Variants in PDS5A observed in about 807,000 individuals in gnomAD.
The protein encoded by PDS5A is sister chromatid cohesion protein PDS5 homolog A.
Under a neutral mutation model 167.1 loss-of-function variants are expected in PDS5A, and 42 were observed. The observed-to-expected ratio is 0.25, with a 90% CI of 0.20 to 0.33. The LOEUF (loss-of-function observed/expected upper bound fraction) is 0.33. Among genes scored for constraint, PDS5A ranks in the 10% least tolerant of loss-of-function variants. PDS5A has a pLI of 1.00. For missense variants in PDS5A, 1,033 were observed against 1,605.9 expected (o/e 0.64, Z 6.10); for synonymous variants, 553 against 554.6 (o/e 1.00, Z 0.04).
intron 26 of PDS5A, among the ~76,000 whole-genome samples, chr4:39,857,428 C>T (rs1438051589): frequency 6.6e-6 from 1 of 150,896 alleles, no homozygotes; most frequent in Non-Finnish European, 1.5e-5. Flanking sequence ...CACAAAAAAG[C>T]CAACTAAATA....
chr4:39,875,953 A>G (rs549913425), intron 19 of PDS5A, among the ~76,000 whole-genome samples: 2 of 152,186 alleles, frequency 1.3e-5, no homozygotes, highest in African/African-American at 4.8e-5. Context: ...TAGTGATGCC[A>G]TCAGAGTTGT....
chr4:39,961,576 T>C (rs1208540756), intron 2 of PDS5A, among the ~76,000 whole-genome samples: 1 of 152,130 alleles, frequency 6.6e-6, no homozygotes, highest in Non-Finnish European at 1.5e-5. Context: ...TCCTTTTTAA[T>C]AGAGTCTGGG....
rs576779083 is a variant in PDS5A, at chr4:39,824,894, G to A, written c.*591C>T. The A allele has an allele frequency of 6.6e-6, 1 of 152,568 alleles. No homozygotes were observed. The highest frequency in any genetic ancestry group is 1.5e-5 in the Non-Finnish European group (1 of 67,984). The allele number at this position is 152,568 out of a possible 1,614,324, so 9.5% of individuals were successfully genotyped here. ...GCTACCACATCACTTTTCATAGCAG[G>A]GAACCGAAATCTGTACATCTCATTT... On this transcript the variant is annotated 3_prime_UTR_variant, in exon 33 of 33. Coordinates refer to ENST00000303538, the MANE Select transcript of PDS5A (RefSeq NM_001100399.2).
intron 17 of PDS5A, among the ~76,000 whole-genome samples, chr4:39,884,205 G>A (rs186324829): frequency 8.5e-5 from 13 of 152,152 alleles, no homozygotes; most frequent in Admixed American, 5.9e-4. Flanking sequence ...GGGATTACAC[G>A]CATGAGCCAC....
At chr4:39,944,624 G>A (rs2109773410) in intron 2 of PDS5A, among the ~76,000 whole-genome samples, 1 of 151,040 alleles carries the variant, frequency 6.6e-6, no homozygotes, top group African/African-American at 2.4e-5. Context: ...AACCTGGGAG[G>A]CGGAGGTTGC....
chr4:39,890,234 T>C lies in PDS5A; in HGVS notation c.1886+15A>G, dbSNP rs1405832559. 7.5e-7 allele frequency: 1 copy of C among 1,325,376 alleles called. No homozygotes were observed. Among genetic ancestry groups the C allele is most frequent in the Non-Finnish European group, 1.1e-6 (1 of 947,216 alleles). 82.1% of individuals were successfully genotyped at this position (1,325,376 alleles called of 1,614,324 possible). On this transcript the variant is annotated intron_variant, in intron 17 of 32. Coordinates refer to ENST00000303538, the MANE Select transcript of PDS5A (RefSeq NM_001100399.2). Reference sequence around the variant, plus strand: ...ATTATTATTTATTTTTGAGCGAATATACTTCTTGGCTTACCTTATGGCTTC... The same window carrying C: ...ATTATTATTTATTTTTGAGCGAATACACTTCTTGGCTTACCTTATGGCTTC...
intron 2 of PDS5A, among the ~76,000 whole-genome samples, chr4:39,967,451 GC>G (rs1159881845): frequency 6.6e-6 from 1 of 152,072 alleles, no homozygotes; most frequent in Non-Finnish European, 1.5e-5. Context: ...TTCGAGACAA[GC>G]CTGACCAACA....
intron 6 of PDS5A, 26 bp downstream of exon 6, chr4:39,922,596 C>T (rs1417768672): frequency 6.6e-7 from 1 of 1,507,004 alleles, no homozygotes; most frequent in African/African-American, 1.4e-5. Flanking sequence ...AAACATTAAC[C>T]TTGAATATCT....
intron 2 of PDS5A, among the ~76,000 whole-genome samples, chr4:39,969,532 G>A (rs1195597460): frequency 6.6e-6 from 1 of 152,106 alleles, no homozygotes; most frequent in African/African-American, 2.4e-5. Context: ...CAGGCGTGGT[G>A]GTGGATGCCT....
intron 16 of PDS5A, among the ~76,000 whole-genome samples, chr4:39,897,136 G>A (rs1362283680): frequency 6.6e-6 from 1 of 152,140 alleles, no homozygotes; most frequent in East Asian, 1.9e-4. Flanking sequence ...GCTCATGCCT[G>A]TAACCCCAGC....
intron 26 of PDS5A, among the ~76,000 whole-genome samples, chr4:39,855,796 C>G (rs973693033): frequency 8.6e-5 from 13 of 151,892 alleles, no homozygotes; most frequent in African/African-American, 2.4e-4. Context: ...TCAGTCTGAA[C>G]AGAAAGAAAA....
chr4:39,974,521 T>C (rs1730884645), intron 2 of PDS5A, among the ~76,000 whole-genome samples: 1 of 152,210 alleles, frequency 6.6e-6, no homozygotes, highest in African/African-American at 2.4e-5. Context: ...GTATAATCTT[T>C]AGTATCAATA....
chr4:39,967,227 C>T (rs1578845770), intron 2 of PDS5A, among the ~76,000 whole-genome samples: 1 of 152,176 alleles, frequency 6.6e-6, no homozygotes, highest in East Asian at 1.9e-4. Context: ...ATTGCTTGAA[C>T]CTGGGAGACA....
intron 9 of PDS5A, among the ~76,000 whole-genome samples, chr4:39,911,629 A>G (rs879421768): frequency 4.6e-5 from 7 of 152,008 alleles, no homozygotes; most frequent in Admixed American, 2.0e-4. Context: ...TCGGGAGATC[A>G]AGACCATCCT....
At chr4:39,958,680 T>C in intron 2 of PDS5A, among the ~76,000 whole-genome samples, 1 of 151,456 alleles carries the variant, frequency 6.6e-6, no homozygotes, top group East Asian at 2.0e-4. Flanking sequence ...AGTGGCACAA[T>C]CTCTGCTCAC....
At chr4:39,898,564 A>G (rs1360224373) in intron 15 of PDS5A, 36 bp from the exon 16 acceptor site, 7 of 869,632 alleles carry the variant, frequency 8.0e-6, no homozygotes, top group East Asian at 3.6e-5. Flanking sequence ...TTAGAGAAGG[A>G]AAAAAAAAAA....
chr4:39,973,490 G>T, intron 2 of PDS5A: 1 of 1,336,324 alleles, frequency 7.5e-7, no homozygotes, highest in Non-Finnish European at 1.1e-6. Flanking sequence ...CTTGATGATA[G>T]TATTGATGAT....
At chr4:39,891,987 T>C (rs1228813640) in intron 16 of PDS5A, among the ~76,000 whole-genome samples, 1 of 152,124 alleles carries the variant, frequency 6.6e-6, no homozygotes, top group Non-Finnish European at 1.5e-5. Flanking sequence ...GGTGCATGCC[T>C]GGGGTCCCAG....
chr4:39,901,398 G>A (rs1429034327), intron 13 of PDS5A, among the ~76,000 whole-genome samples: 1 of 150,984 alleles, frequency 6.6e-6, no homozygotes, highest in Non-Finnish European at 1.5e-5. Context: ...CTCCCTAGTA[G>A]CTGGGATTAC....
Sources: gnomAD v4.1 joint callset for allele counts (sites outside exome capture counted in the v4.1 genomes callset) on GRCh38, gnomAD v4.1.1 for gene constraint, MANE v1.5 for transcripts, NCBI Gene and HGNC (gene_info 2026-07-23, HGNC 2026-07-21) for gene names.